Variants in GPC6 observed in about 807,000 individuals in gnomAD.
GPC6 encodes the protein glypican 6.
In GPC6, 14 loss-of-function variants were observed where a neutral mutation model predicts 55.2. The observed-to-expected ratio is 0.25, with a 90% CI of 0.17 to 0.40. GPC6 has a LOEUF of 0.40. GPC6 is among the 10% of genes least tolerant of loss of function. GPC6 has a pLI of 1.00. For synonymous variants in GPC6, 278 were observed against 259.6 expected, an observed-to-expected ratio of 1.07 and a Z score of -0.68; for missense variants, 641 against 708.5, an observed-to-expected ratio of 0.90 and a Z score of 1.08.
At chr13:94,099,781 CAGGTGGCTTAGA>C (rs1218195873) in intron 4 of GPC6, among the ~76,000 whole-genome samples, 1 of 152,070 alleles carries the variant, frequency 6.6e-6, no homozygotes, top group Non-Finnish European at 1.5e-5. Context: ...TGTAAATTAT[CAGGTGGCTTAGA>C]ACATATTTGT....
intron 2 of GPC6, among the ~76,000 whole-genome samples, chr13:93,653,610 G>GTGTGTA (rs1566470328): frequency 8.0e-6 from 1 of 125,584 alleles, no homozygotes. Flanking sequence ...GTGTGTGTGT[G>GTGTGTA]TGTACATATA....
At chr13:93,678,068 G>C (rs1037684236) in intron 2 of GPC6, among the ~76,000 whole-genome samples, 1 of 151,934 alleles carries the variant, frequency 6.6e-6, no homozygotes, top group African/African-American at 2.4e-5. Context: ...CTCCTAAAAG[G>C]GTAGCTATTC....
chr13:93,991,254 T>G (rs1253214079), intron 3 of GPC6, among the ~76,000 whole-genome samples: 1 of 152,178 alleles, frequency 6.6e-6, no homozygotes, highest in Admixed American at 6.6e-5. Context: ...GTTTATTCAC[T>G]CAGTTAATTT....
At chr13:94,250,436 G>A (rs181567213) in intron 4 of GPC6, among the ~76,000 whole-genome samples, 12 of 152,164 alleles carry the variant, frequency 7.9e-5, no homozygotes, top group Admixed American at 3.9e-4. Context: ...GCCAAAGAGC[G>A]GTTAAATATT....
chr13:93,738,156 G>T (rs965668565), intron 2 of GPC6, among the ~76,000 whole-genome samples: 1 of 152,152 alleles, frequency 6.6e-6, no homozygotes, highest in Non-Finnish European at 1.5e-5. Flanking sequence ...ATGTAATATG[G>T]CTAATGCCTG....
intron 2 of GPC6, among the ~76,000 whole-genome samples, chr13:93,565,111 T>G (rs943635771): frequency 1.3e-5 from 2 of 152,210 alleles, no homozygotes; most frequent in African/African-American, 4.8e-5. Context: ...GTTTTATTTT[T>G]TTCTCCCACT....
intron 2 of GPC6, among the ~76,000 whole-genome samples, chr13:93,644,217 G>T (rs924104247): frequency 6.6e-6 from 1 of 151,956 alleles, no homozygotes; most frequent in Non-Finnish European, 1.5e-5. Context: ...TTATACTGCT[G>T]TAAATTCGGA....
intron 4 of GPC6, among the ~76,000 whole-genome samples, chr13:94,032,035 T>C (rs1286137951): frequency 2.6e-5 from 4 of 152,158 alleles, no homozygotes; most frequent in African/African-American, 9.7e-5. Flanking sequence ...AGGCAAAGGT[T>C]GATGAGACAA....
intron 1 of GPC6, among the ~76,000 whole-genome samples, chr13:93,379,656 G>A (rs370251210): frequency 1.1e-4 from 16 of 152,128 alleles, no homozygotes; most frequent in East Asian, 9.7e-4. Context: ...GAAATCTCTC[G>A]TAATAAAATG....
intron 2 of GPC6, among the ~76,000 whole-genome samples, chr13:93,576,415 A>G (rs1006783167): frequency 1.3e-5 from 2 of 152,190 alleles, no homozygotes; most frequent in African/African-American, 4.8e-5. Context: ...CAGAATTTGG[A>G]GGAATAGCTT....
intron 2 of GPC6, among the ~76,000 whole-genome samples, chr13:93,824,965 C>A (rs1887181273): frequency 2.0e-5 from 3 of 151,944 alleles, no homozygotes. Flanking sequence ...ACTGTGAATA[C>A]AATCTGTATT....
chr13:94,324,115 TG>T (rs1400282496), intron 6 of GPC6, among the ~76,000 whole-genome samples: 3 of 152,018 alleles, frequency 2.0e-5, no homozygotes, highest in African/African-American at 7.3e-5. Flanking sequence ...GGTGAACATT[TG>T]GGAAGCTGAT....
At chr13:93,525,934 T>C (rs1881630328) in intron 1 of GPC6, among the ~76,000 whole-genome samples, 1 of 152,210 alleles carries the variant, frequency 6.6e-6, no homozygotes, top group East Asian at 1.9e-4. Context: ...TATACACATC[T>C]TATGTTTAGA....
At chr13:93,520,692 A>G (rs1041993243) in intron 1 of GPC6, among the ~76,000 whole-genome samples, 2 of 151,996 alleles carry the variant, frequency 1.3e-5, no homozygotes, top group African/African-American at 4.8e-5. Context: ...GCATTTATGG[A>G]GTATAGATAA....
chr13:94,199,266 G>A (rs955370606), intron 4 of GPC6, among the ~76,000 whole-genome samples: 1 of 152,178 alleles, frequency 6.6e-6, no homozygotes, highest in Admixed American at 6.5e-5. Flanking sequence ...ATATATTGCT[G>A]AGTCATTGAC....
intron 1 of GPC6, among the ~76,000 whole-genome samples, chr13:93,505,653 C>T (rs1341159815): frequency 6.6e-6 from 1 of 151,978 alleles, no homozygotes; most frequent in Non-Finnish European, 1.5e-5. Context: ...GTGAAATCAC[C>T]AAGGAAAAGC....
intron 1 of GPC6, among the ~76,000 whole-genome samples, chr13:93,399,061 G>GACACAC (rs35212206): frequency 0.13 from 20,256 of 150,662 alleles, 1,451 homozygotes; most frequent in Middle Eastern, 0.19. Context: ...CACACACACA[G>GACACAC]ACACACACAC....
chr13:93,591,894 C>T (rs1274019528), intron 2 of GPC6, among the ~76,000 whole-genome samples: 1 of 152,126 alleles, frequency 6.6e-6, no homozygotes, highest in African/African-American at 2.4e-5. Flanking sequence ...GAATTGAGGA[C>T]TAAATATGGG....
At chr13:93,243,034 C>T (rs985016037) in intron 1 of GPC6, among the ~76,000 whole-genome samples, 10 of 152,188 alleles carry the variant, frequency 6.6e-5, no homozygotes, top group Non-Finnish European at 1.3e-4. Context: ...GGAAGGGACC[C>T]TGTTCGAGAT....
Sources: gnomAD v4.1 joint callset for allele counts (sites outside exome capture counted in the v4.1 genomes callset) on GRCh38, gnomAD v4.1.1 for gene constraint, MANE v1.5 for transcripts, NCBI Gene and HGNC (gene_info 2026-07-23, HGNC 2026-07-21) for gene names.